ADGRG2: variants seen among roughly 807,000 people sequenced by gnomAD.
ADGRG2 encodes adhesion G protein-coupled receptor G2.
ADGRG2 carries 26 observed loss-of-function variants against 74.1 expected under a neutral mutation model. The observed-to-expected ratio is 0.35, with a 90% confidence interval of 0.26 to 0.49. The LOEUF (loss-of-function observed/expected upper bound fraction) is 0.49, where lower values mean the gene tolerates loss of function less well. Ranked by LOEUF, ADGRG2 falls within the 20% of genes least tolerant of loss-of-function variation. The pLI is 0.99. For synonymous variants in ADGRG2, 296 were observed against 295.2 expected, an observed-to-expected ratio of 1.00 and a Z score of -0.03; for missense variants, 619 against 763.1, an observed-to-expected ratio of 0.81 and a Z score of 2.22.
In ADGRG2 at chrX:19,045,282, A is replaced by G. The variant is rs1307070877; in HGVS notation, c.119-5058T>C. On this transcript the variant is annotated intron_variant, in intron 3 of 28. Coordinates refer to ENST00000379869, the MANE Select transcript of ADGRG2 (RefSeq NM_001079858.3). ...CTGTAGACCATAATCGAATACAGAA[A>G]TGGGGGGTGTTGTTATTATTATTAT... 1.7e-4 allele frequency among the ~76,000 whole-genome samples: 14 copies of G among 84,824 alleles called. No homozygotes were observed. In the South Asian group the frequency reaches 7.9e-3, roughly 48 times the overall value. 73.7% of individuals were successfully genotyped at this position (84,824 alleles called of 115,157 possible).
At chrX:19,082,352 C>T (rs2061865903) in intron 2 of ADGRG2, among the ~76,000 whole-genome samples, 1 of 111,162 alleles carries the variant, frequency 9.0e-6, no homozygotes, top group Non-Finnish European at 1.9e-5. Flanking sequence ...AACAGTGAAA[C>T]AGAATCCCAA....
chrX:19,116,502 G>A (rs1460974107), intron 1 of ADGRG2, among the ~76,000 whole-genome samples: 4 of 56,763 alleles, frequency 7.0e-5, no homozygotes, highest in African/African-American at 5.2e-4. Flanking sequence ...CAGAGATTCC[G>A]TCTCAAAAAA....
At chrX:19,010,100 C>T (rs1386506278) in intron 17 of ADGRG2, among the ~76,000 whole-genome samples, 5 of 108,331 alleles carry the variant, frequency 4.6e-5, no homozygotes, top group African/African-American at 1.7e-4. Context: ...TGAGCCATCG[C>T]GCCCAGCCTT....
At chrX:19,053,860 T>C (rs5955678) in intron 3 of ADGRG2, among the ~76,000 whole-genome samples, 29,097 of 110,491 alleles carry the variant, frequency 0.26, 2,902 homozygotes, top group East Asian at 0.46. Flanking sequence ...AGCAAAGGGA[T>C]GTCTTATATG....
intron 2 of ADGRG2, among the ~76,000 whole-genome samples, chrX:19,073,888 A>G (rs1397511176): frequency 8.9e-6 from 1 of 111,953 alleles, no homozygotes; most frequent in Non-Finnish European, 1.9e-5. Context: ...AGACATTTAT[A>G]CGGAGTCATA....
rs563352960 is a variant in ADGRG2 at position 19,008,235 on chromosome X, T to A, written c.1423-112A>T. ...ATTGCAGTATGTGCCATTTTTTTTT[T>A]AAAAAAAGATAAAAACCACAATTAC... is the stretch of plus-strand genomic sequence containing the variant. On this transcript the variant is annotated intron_variant, in intron 18 of 28. Coordinates refer to ENST00000379869, the MANE Select transcript of ADGRG2 (RefSeq NM_001079858.3). The A allele has an allele frequency of 2.4e-3, 1,135 of 475,676 alleles. 2 individuals carry two copies. The highest frequency in any genetic ancestry group is 9.4e-3 in the African/African-American group (373 of 39,503). 39.2% of individuals were successfully genotyped at this position (475,676 alleles called of 1,213,427 possible).
chrX:19,022,434 G>C (rs1897945728), intron 13 of ADGRG2, among the ~76,000 whole-genome samples: 1 of 111,761 alleles, frequency 8.9e-6, no homozygotes, highest in South Asian at 3.8e-4. Context: ...ACAGTGGACA[G>C]GGAATACAAT....
At chrX:19,006,387 CTTAA>C in intron 20 of ADGRG2, 122 bp from the exon 21 acceptor site, 2 of 523,423 alleles carry the variant, frequency 3.8e-6, no homozygotes, top group Non-Finnish European at 3.2e-6. Flanking sequence ...GAATCTTAGG[CTTAA>C]TTTTTAGAGA....
intron 23 of ADGRG2, among the ~76,000 whole-genome samples, 154 bp from the exon 24 acceptor site, chrX:19,003,268 G>A (rs765935264): frequency 8.1e-5 from 9 of 111,239 alleles, no homozygotes; most frequent in Non-Finnish European, 1.7e-4. Context: ...GGGCTCAAGC[G>A]ATCTTCCCAC....
chrX:19,102,210 C>T (rs1316474298), intron 1 of ADGRG2, among the ~76,000 whole-genome samples: 5 of 109,052 alleles, frequency 4.6e-5, no homozygotes, highest in East Asian at 3.0e-4. Flanking sequence ...CCACCACGCC[C>T]GGCCTGGACT....
chrX:19,040,278 A>C, intron 3 of ADGRG2, 54 bp from the exon 4 acceptor site: 1 of 812,977 alleles, frequency 1.2e-6, no homozygotes, highest in East Asian at 3.2e-5. Context: ...TAAAATCAAT[A>C]AAATTGTACT....
At chrX:19,087,932 G>A (rs936730564) in intron 1 of ADGRG2, among the ~76,000 whole-genome samples, 1 of 110,492 alleles carries the variant, frequency 9.1e-6, no homozygotes, top group African/African-American at 3.3e-5. Context: ...CGTGTATTCC[G>A]GGGGCTAGAA....
rs1215605670 is a variant in ADGRG2, at chrX:19,111,408, C to G, written c.-47+11034G>C. ...AGTTCCCAGTGCCTTGGAGGGACAT[C>G]AACCTTCATAGGTAGAAGAGAGGAT... On this transcript the variant is annotated intron_variant, in intron 1 of 28. Coordinates refer to ENST00000379869, the MANE Select transcript of ADGRG2 (RefSeq NM_001079858.3). Among the ~76,000 whole-genome samples, 82 of 110,629 alleles carry G rather than the reference C, an allele frequency of 7.4e-4. No homozygotes were observed. The Admixed American group carries it at 8.0e-3, about 11-fold the overall frequency.
At chrX:19,003,379 C>A (rs1462307896) in intron 23 of ADGRG2, among the ~76,000 whole-genome samples, 1 of 111,346 alleles carries the variant, frequency 9.0e-6, no homozygotes, top group Non-Finnish European at 1.9e-5. Context: ...TGGCCTCAAA[C>A]TCCTGGGCTC....
At chrX:19,049,428 CGTTTTTTGT>C (rs1179550023) in intron 3 of ADGRG2, among the ~76,000 whole-genome samples, 19 of 96,776 alleles carry the variant, frequency 2.0e-4, no homozygotes, top group South Asian at 8.7e-4. Flanking sequence ...CATATATAAG[CGTTTTTTGT>C]GTTTTTTTTT....
chrX:19,056,166 T>G (rs1373737303), intron 3 of ADGRG2, among the ~76,000 whole-genome samples: 2 of 111,722 alleles, frequency 1.8e-5, no homozygotes, highest in African/African-American at 3.3e-5. Flanking sequence ...AGCTGTGTGC[T>G]GAGGAAGAAA....
intron 3 of ADGRG2, among the ~76,000 whole-genome samples, chrX:19,042,956 A>C (rs1459768368): frequency 1.8e-5 from 2 of 109,342 alleles, no homozygotes. Flanking sequence ...ACACCACTGC[A>C]CTCCAGCCTG....
At position 18,996,038 on chromosome X, in the gene ADGRG2, G is replaced by A. The variant is rs1326457094; in HGVS notation, c.2716+13C>T. ...GATTTAAGAGGAAGAGAAAAAGTGA[G>A]GTAAATCTTTACCAGAATTTTCAGC... is the stretch of plus-strand genomic sequence containing the variant. On this transcript the variant is annotated intron_variant, in intron 27 of 28. Transcript: ENST00000379869. 10 of 904,399 alleles carry A rather than the reference G, an allele frequency of 1.1e-5. No homozygotes were observed. Among genetic ancestry groups the A allele is most frequent in the Non-Finnish European group, 1.6e-5 (10 of 619,117 alleles). 74.5% of individuals were successfully genotyped at this position (904,399 alleles called of 1,213,427 possible).
chrX:19,002,002 A>C (rs1302275918), intron 24 of ADGRG2, among the ~76,000 whole-genome samples: 1 of 110,994 alleles, frequency 9.0e-6, no homozygotes, highest in African/African-American at 3.3e-5. Context: ...TTACTTGTAG[A>C]TTATCTAAAG....
Sources: gnomAD v4.1 joint callset for allele counts (sites outside exome capture counted in the v4.1 genomes callset) on GRCh38, gnomAD v4.1.1 for gene constraint, MANE v1.5 for transcripts, NCBI Gene and HGNC (gene_info 2026-07-23, HGNC 2026-07-21) for gene names.